IDO2: variants seen among roughly 807,000 people sequenced by gnomAD.
The protein encoded by IDO2 is indoleamine 2,3-dioxygenase-like 1 protein.
In IDO2, 46 loss-of-function variants were observed where a neutral mutation model predicts 45.1. The observed-to-expected ratio is 1.02, with a 90% confidence interval of 0.80 to 1.30. The LOEUF (loss-of-function observed/expected upper bound fraction) is 1.30, where lower values mean the gene tolerates loss of function less well. IDO2 is among the 50% of genes most tolerant of loss of function. IDO2 has a pLI of 0.00. For synonymous variants in IDO2, 218 were observed against 184.9 expected (o/e 1.18, Z -1.45); for missense variants, 544 against 491.8 (o/e 1.11, Z -1.00).
chr8:39,934,916 C>A lies in IDO2; in HGVS notation c.-320C>A. 1.8e-6 allele frequency: 1 copy of A among 566,720 alleles called. No homozygotes were observed. The highest frequency in any genetic ancestry group is 2.1e-5 in the South Asian group (1 of 46,776). The allele number at this position is 566,720 out of a possible 1,614,324, so 35.1% of individuals were successfully genotyped here. A position where few individuals can be genotyped will look rare whatever the true frequency, so the allele number is the denominator to read the frequency against. ...CTGGTAAGGGATCATTTGCTGGTGTCTGCAAAGTTGAGTCCATACACACTG... is the reference window on the plus strand; with the variant it reads ...CTGGTAAGGGATCATTTGCTGGTGTATGCAAAGTTGAGTCCATACACACTG... On this transcript the variant is annotated 5_prime_UTR_variant, in exon 1 of 11. In the 5' UTR this introduces an upstream ATG that the reference lacks. Coordinates refer to ENST00000502986, the Ensembl canonical transcript of IDO2.
chr8:39,978,356 G>A (rs1284084343), intron 3 of IDO2, among the ~76,000 whole-genome samples: 2 of 152,212 alleles, frequency 1.3e-5, no homozygotes, highest in Non-Finnish European at 2.9e-5. Flanking sequence ...GGGAAGAGGC[G>A]AGCAGAGGGG....
At chr8:39,997,013 ATG>A (rs1039064998) in intron 8 of IDO2, among the ~76,000 whole-genome samples, 2 of 151,974 alleles carry the variant, frequency 1.3e-5, no homozygotes, top group Non-Finnish European at 2.9e-5. Context: ...CTGTTGAAAA[ATG>A]CTGCTGCTCA....
chr8:39,947,538 TCTC>T (rs1807756132), intron 1 of IDO2, among the ~76,000 whole-genome samples: 1 of 152,204 alleles, frequency 6.6e-6, no homozygotes, highest in Non-Finnish European at 1.5e-5. Context: ...CTTCCTTTGT[TCTC>T]CTCTACCTGT....
At chr8:39,962,766 C>T (rs57283040) in intron 2 of IDO2, among the ~76,000 whole-genome samples, 26,257 of 151,584 alleles carry the variant, frequency 0.17, 2,868 homozygotes, top group South Asian at 0.31. Flanking sequence ...GTGGTTCCAC[C>T]AGTTTTCCTA....
intron 1 of IDO2, among the ~76,000 whole-genome samples, chr8:39,945,526 G>A (rs1024008405): frequency 1.3e-5 from 2 of 152,204 alleles, no homozygotes; most frequent in Non-Finnish European, 2.9e-5. Context: ...AAAAGGGAGG[G>A]ATAACAGTCA....
intron 2 of IDO2, among the ~76,000 whole-genome samples, chr8:39,960,771 C>G (rs771991589): frequency 6.6e-6 from 1 of 152,088 alleles, no homozygotes; most frequent in Non-Finnish European, 1.5e-5. Flanking sequence ...CCTCTACTGT[C>G]TTGACTTTTT....
intron 1 of IDO2, among the ~76,000 whole-genome samples, chr8:39,943,588 T>G (rs1807681551): frequency 6.6e-6 from 1 of 151,318 alleles, no homozygotes. Flanking sequence ...ATACAAAAAA[T>G]TAGCCGGGCG....
intron 8 of IDO2, among the ~76,000 whole-genome samples, chr8:40,004,436 T>G (rs1399617517): frequency 6.6e-6 from 1 of 151,902 alleles, no homozygotes; most frequent in Non-Finnish European, 1.5e-5. Flanking sequence ...GATAGAGAGA[T>G]AGATAGATAA....
At chr8:40,010,850 G>A (rs1011468131) in intron 9 of IDO2, among the ~76,000 whole-genome samples, 5 of 152,174 alleles carry the variant, frequency 3.3e-5, no homozygotes, top group African/African-American at 1.2e-4. Context: ...TGGAATATAG[G>A]GGAGTGGTCT....
At chr8:39,957,176 G>C (rs894637748) in intron 2 of IDO2, among the ~76,000 whole-genome samples, 2 of 151,708 alleles carry the variant, frequency 1.3e-5, no homozygotes, top group African/African-American at 4.8e-5. Flanking sequence ...ATATTTCCAA[G>C]GTGACCAGTT....
chr8:40,016,040 T>G, exon 11 of IDO2: 1 of 392,342 alleles, frequency 2.5e-6, no homozygotes, highest in Non-Finnish European at 4.5e-6. Context: ...AGGATTTCTG[T>G]GGTCCCAGAC....
chr8:39,985,322 T>G, intron 5 of IDO2, 186 bp from the exon 6 acceptor site: 2 of 613,120 alleles, frequency 3.3e-6, no homozygotes, highest in South Asian at 4.2e-5. Context: ...CACCCCATAG[T>G]CCAGCCACAA....
At chr8:39,938,961 A>G (rs752118595) in intron 1 of IDO2, among the ~76,000 whole-genome samples, 4 of 152,202 alleles carry the variant, frequency 2.6e-5, no homozygotes, top group African/African-American at 4.8e-5. Context: ...TGCAGTAGAA[A>G]TCCACACTCA....
chr8:39,971,047 A>G (rs1024298116), intron 3 of IDO2, among the ~76,000 whole-genome samples: 1 of 152,144 alleles, frequency 6.6e-6, no homozygotes, highest in Non-Finnish European at 1.5e-5. Flanking sequence ...TACAGGTGTG[A>G]GCCACTGCGC....
At chr8:39,992,664 G>A (rs963533184) in intron 8 of IDO2, among the ~76,000 whole-genome samples, 2 of 152,184 alleles carry the variant, frequency 1.3e-5, no homozygotes, top group African/African-American at 4.8e-5. Flanking sequence ...ATTGTCTCTG[G>A]TTTGTAATGA....
At chr8:40,006,873 C>T (rs2129595402) in intron 9 of IDO2, among the ~76,000 whole-genome samples, 1 of 152,152 alleles carries the variant, frequency 6.6e-6, no homozygotes, top group Admixed American at 6.6e-5. Flanking sequence ...GTTAGTCAGG[C>T]TGGTCTCGAA....
intron 8 of IDO2, 39 bp downstream of exon 8, chr8:39,989,877 G>A: frequency 7.2e-7 from 1 of 1,396,280 alleles, no homozygotes; most frequent in Non-Finnish European, 9.9e-7. Context: ...TCCCCCAGGG[G>A]TCCTGGGCTC....
chr8:39,940,173 T>C (rs1343299568), intron 1 of IDO2, among the ~76,000 whole-genome samples: 1 of 152,172 alleles, frequency 6.6e-6, no homozygotes, highest in African/African-American at 2.4e-5. Context: ...CAGCCCTGAG[T>C]TTCTTACTGC....
intron 8 of IDO2, among the ~76,000 whole-genome samples, chr8:40,002,797 A>G (rs931306989): frequency 3.3e-5 from 5 of 152,108 alleles, no homozygotes; most frequent in Non-Finnish European, 7.4e-5. Flanking sequence ...AAATAAATAA[A>G]TAAAATAAAA....
Sources: allele counts gnomAD v4.1 joint callset (sites outside exome capture counted in the v4.1 genomes callset), GRCh38; gene constraint gnomAD v4.1.1; transcripts MANE v1.5; gene names NCBI Gene and HGNC (gene_info 2026-07-23, HGNC 2026-07-21).